DPP10: variants seen among roughly 807,000 people sequenced by gnomAD.
DPP10 encodes the protein inactive dipeptidyl peptidase 10.
In DPP10, 33 loss-of-function variants were observed where a neutral mutation model predicts 120.9. The ratio of observed to expected loss-of-function variants is 0.27; its 90% CI spans 0.21 to 0.37. The LOEUF is 0.37. Among genes scored for constraint, DPP10 ranks in the 10% least tolerant of loss-of-function variants. The probability of loss-of-function intolerance (pLI) is 1.00; values close to 1 mark genes in which losing one functional copy is unlikely to be tolerated. For missense variants in DPP10, 816 were observed against 942.8 expected (o/e 0.87, Z 1.76); for synonymous variants, 337 against 326.1 (o/e 1.03, Z -0.36).
At chr2:114,936,178 T>C (rs762570378) in intron 1 of DPP10, among the ~76,000 whole-genome samples, 1 of 152,018 alleles carries the variant, frequency 6.6e-6, no homozygotes, top group Non-Finnish European at 1.5e-5. Context: ...GTCCATTGTC[T>C]CATTTTATGC....
At chr2:115,803,287 G>A (rs980886317) in intron 19 of DPP10, among the ~76,000 whole-genome samples, 3 of 152,128 alleles carry the variant, frequency 2.0e-5, no homozygotes, top group African/African-American at 7.2e-5. Context: ...TTTCTTGGTA[G>A]ATCTTCCTCC....
intron 1 of DPP10, among the ~76,000 whole-genome samples, chr2:115,013,688 T>C (rs1450791892): frequency 1.6e-5 from 2 of 126,334 alleles, no homozygotes; most frequent in African/African-American, 6.1e-5. Context: ...AGTACAGGGG[T>C]TGCAATTCTA....
At chr2:115,289,090 G>A (rs1392725781) in intron 1 of DPP10, among the ~76,000 whole-genome samples, 2 of 152,128 alleles carry the variant, frequency 1.3e-5, no homozygotes, top group African/African-American at 4.8e-5. Flanking sequence ...AGTGAATTCA[G>A]TAAAGGCTCG....
intron 3 of DPP10, among the ~76,000 whole-genome samples, chr2:115,439,506 A>AT (rs1228357180): frequency 2.0e-5 from 3 of 152,220 alleles, no homozygotes; most frequent in Admixed American, 2.0e-4. Flanking sequence ...CAAAAATAGA[A>AT]TATTTTAATC....
At chr2:115,287,747 C>A (rs2060463507) in intron 1 of DPP10, among the ~76,000 whole-genome samples, 2 of 152,070 alleles carry the variant, frequency 1.3e-5, no homozygotes, top group African/African-American at 4.8e-5. Context: ...AACTCAATCC[C>A]TTTTACAATC....
chr2:115,479,530 T>C lies in DPP10; in HGVS notation c.272-19980T>C, dbSNP rs76941985. Among the ~76,000 whole-genome samples the C allele has an allele frequency of 2.2e-3, 334 of 152,212 alleles. 1 individual carries two copies. The highest frequency in any genetic ancestry group is 7.2e-3 in the African/African-American group (300 of 41,558). On this transcript the variant is annotated intron_variant, in intron 3 of 25. Transcript: ENST00000410059. ...TATGAATGTACTTAATACTGCTCAG[T>C]TGAAAACTTAAAATGGTTAGTATGG...
chr2:115,716,473 C>T (rs1222080485), intron 7 of DPP10, among the ~76,000 whole-genome samples: 2 of 152,084 alleles, frequency 1.3e-5, no homozygotes, highest in Admixed American at 6.6e-5. Context: ...GAAAAAGACT[C>T]AGGGAAGTAT....
chr2:115,416,400 C>G (rs893325321), intron 3 of DPP10, among the ~76,000 whole-genome samples: 1 of 152,096 alleles, frequency 6.6e-6, no homozygotes, highest in Non-Finnish European at 1.5e-5. Flanking sequence ...AGAAATGACT[C>G]AGCTATAAAT....
intron 1 of DPP10, among the ~76,000 whole-genome samples, chr2:115,085,096 G>T (rs1479440137): frequency 6.6e-6 from 1 of 152,156 alleles, no homozygotes; most frequent in African/African-American, 2.4e-5. Context: ...TCTTGTAGAA[G>T]AATTTGTAGC....
intron 5 of DPP10, among the ~76,000 whole-genome samples, chr2:115,668,604 C>T (rs1559004714): frequency 6.6e-6 from 1 of 152,112 alleles, no homozygotes; most frequent in Non-Finnish European, 1.5e-5. Context: ...TGGTCACTCT[C>T]AGTTCACCAC....
At chr2:115,339,947 C>T (rs1468791823) in intron 2 of DPP10, among the ~76,000 whole-genome samples, 1 of 152,124 alleles carries the variant, frequency 6.6e-6, no homozygotes, top group Admixed American at 6.6e-5. Flanking sequence ...ACATGTAAAA[C>T]TGCAGAAATC....
At chr2:115,586,176 A>G (rs1473602212) in intron 5 of DPP10, among the ~76,000 whole-genome samples, 1 of 152,136 alleles carries the variant, frequency 6.6e-6, no homozygotes, top group Non-Finnish European at 1.5e-5. Flanking sequence ...AAATACAAAA[A>G]TTAGTGGAGT....
intron 1 of DPP10, among the ~76,000 whole-genome samples, chr2:114,867,129 C>A (rs911178347): frequency 6.6e-6 from 1 of 152,108 alleles, no homozygotes; most frequent in South Asian, 2.1e-4. Context: ...TGGCTTAAAT[C>A]AAATGAAATT....
At chr2:115,776,807 A>G (rs1399093811) in intron 13 of DPP10, among the ~76,000 whole-genome samples, 2 of 152,046 alleles carry the variant, frequency 1.3e-5, no homozygotes, top group Non-Finnish European at 2.9e-5. Context: ...CATACTGCAA[A>G]GGTTAAAATG....
rs778592374 is a variant in DPP10 at position 115,712,540 on chromosome 2, T to TTTTATATATATATATATATA, written c.577-15275_577-15274insTTATATATATATATATATAT. ...AGAAATAGCTTTGAAGAGTCCTGAATTAAATATATATATATATATATATAT... is the reference window on the plus strand; with the variant it reads ...AGAAATAGCTTTGAAGAGTCCTGAATTTTATATATATATATATATATAAATATATATATATATATATATAT... On this transcript the variant is annotated intron_variant, in intron 7 of 25. Coordinates refer to ENST00000410059, the MANE Select transcript of DPP10 (RefSeq NM_020868.6). 2.4e-3 allele frequency among the ~76,000 whole-genome samples: 43 copies of TTTTATATATATATATATATA among 18,062 alleles called. 3 individuals are homozygous for TTTTATATATATATATATATA. Among genetic ancestry groups the TTTTATATATATATATATATA allele is most frequent in the East Asian group, 0.018 (5 of 280 alleles). 11.8% of individuals were successfully genotyped at this position (18,062 alleles called of 152,430 possible).
intron 1 of DPP10, among the ~76,000 whole-genome samples, chr2:115,049,818 G>T (rs1271280300): frequency 1.3e-5 from 2 of 152,076 alleles, no homozygotes; most frequent in Non-Finnish European, 2.9e-5. Context: ...TCTTTATAGA[G>T]TTTTTTAAAG....
chr2:115,363,411 C>G (rs551640121), intron 3 of DPP10, among the ~76,000 whole-genome samples: 1 of 152,326 alleles, frequency 6.6e-6, no homozygotes, highest in Non-Finnish European at 1.5e-5. Context: ...TCCTCAGACT[C>G]ATGGTTAAGT....
chr2:114,614,860 A>T (rs1010986391), intron 1 of DPP10, among the ~76,000 whole-genome samples: 4 of 152,210 alleles, frequency 2.6e-5, no homozygotes, highest in Non-Finnish European at 5.9e-5. Flanking sequence ...TTAATTGTGC[A>T]TAAATTATCA....
In DPP10 at chr2:115,025,351, G is replaced by A. The variant is rs780295806; in HGVS notation, c.61-283888G>A. Among the ~76,000 whole-genome samples, 138 of 152,038 alleles carry A rather than the reference G, an allele frequency of 9.1e-4. 1 individual carries two copies. Among genetic ancestry groups the A allele is most frequent in the Non-Finnish European group, 2.5e-4 (17 of 67,956 alleles). The stretch of plus-strand genomic sequence containing the variant: ...CAGGATTTTATTCTCTTTTATAGTT[G>A]AATAATATTCCATTGTGTAAATATT... On this transcript the variant is annotated intron_variant, in intron 1 of 25. Transcript: ENST00000410059.
Sources: gnomAD v4.1 joint callset for allele counts (sites outside exome capture counted in the v4.1 genomes callset) on GRCh38, gnomAD v4.1.1 for gene constraint, MANE v1.5 for transcripts, NCBI Gene and HGNC (gene_info 2026-07-23, HGNC 2026-07-21) for gene names.